Variants in NCMAP observed in about 807,000 individuals in gnomAD.
The protein encoded by NCMAP is noncompact myelin-associated protein.
In NCMAP, 8 loss-of-function variants were observed where a neutral mutation model predicts 7.8. That is an observed-to-expected ratio of 1.02 (90% CI 0.60 to 1.84). NCMAP has a LOEUF of 1.84. Among genes scored for constraint, NCMAP ranks in the 40% most tolerant of loss-of-function variants. The pLI, the probability that NCMAP is intolerant of heterozygous loss-of-function variation, is 0.00. For synonymous variants in NCMAP, 41 were observed against 52.9 expected (o/e 0.78, Z 0.98); for missense variants, 112 against 131.4 (o/e 0.85, Z 0.72).
intron 2 of NCMAP, among the ~76,000 whole-genome samples, chr1:24,597,688 A>AAGAG (rs1441460460): frequency 7.3e-6 from 1 of 136,748 alleles, no homozygotes; most frequent in African/African-American, 2.6e-5. Flanking sequence ...AAAAGAAAGA[A>AAGAG]AGAAAGAGAA....
chr1:24,574,521 C>T (rs1483913959), intron 1 of NCMAP, among the ~76,000 whole-genome samples: 1 of 152,160 alleles, frequency 6.6e-6, no homozygotes, highest in Non-Finnish European at 1.5e-5. Flanking sequence ...TTGCAGATAG[C>T]CTGTCACCGG....
At chr1:24,577,430 T>TTTTTTTTTGG (rs1651618277) in intron 1 of NCMAP, among the ~76,000 whole-genome samples, 1 of 133,386 alleles carries the variant, frequency 7.5e-6, no homozygotes, top group African/African-American at 2.8e-5. Flanking sequence ...TTTTTTTTTT[T>TTTTTTTTTGG]TGGTTTTTTT....
chr1:24,597,197 T>C (rs1652258451), intron 2 of NCMAP, among the ~76,000 whole-genome samples: 1 of 151,890 alleles, frequency 6.6e-6, no homozygotes, highest in African/African-American at 2.4e-5. Flanking sequence ...TAATTCTGTT[T>C]TTCTTGAACT....
intron 1 of NCMAP, among the ~76,000 whole-genome samples, chr1:24,565,762 T>C (rs1277624304): frequency 6.8e-6 from 1 of 147,984 alleles, no homozygotes; most frequent in African/African-American, 2.6e-5. Flanking sequence ...CATGCCTGGC[T>C]AATTTTTGCA....
chr1:24,582,285 A>G (rs1361024850), intron 1 of NCMAP, among the ~76,000 whole-genome samples: 1 of 152,226 alleles, frequency 6.6e-6, no homozygotes, highest in African/African-American at 2.4e-5. Context: ...GATCAGACAG[A>G]TAAGAGCCCA....
intron 1 of NCMAP, among the ~76,000 whole-genome samples, chr1:24,559,724 G>C (rs1437817842): frequency 6.6e-6 from 1 of 152,214 alleles, no homozygotes; most frequent in Non-Finnish European, 1.5e-5. Flanking sequence ...TCTGGGCTTG[G>C]AGGGCTTTGC....
chr1:24,575,231 A>G (rs982019509), intron 1 of NCMAP, among the ~76,000 whole-genome samples: 1 of 152,034 alleles, frequency 6.6e-6, no homozygotes, highest in African/African-American at 2.4e-5. Context: ...AGATGTTTTA[A>G]TTTCTTTAAA....
At chr1:24,578,368 C>T (rs1458407622) in intron 1 of NCMAP, among the ~76,000 whole-genome samples, 1 of 150,300 alleles carries the variant, frequency 6.7e-6, no homozygotes, top group Non-Finnish European at 1.5e-5. Flanking sequence ...GCAATGGACA[C>T]AGGAGTTTTC....
chr1:24,562,419 A>G (rs1408719351), intron 1 of NCMAP, among the ~76,000 whole-genome samples: 1 of 152,190 alleles, frequency 6.6e-6, no homozygotes, highest in African/African-American at 2.4e-5. Flanking sequence ...CAGTGCCAAC[A>G]TGGATCCACG....
At chr1:24,597,186 A>G (rs1036496208) in intron 2 of NCMAP, among the ~76,000 whole-genome samples, 2 of 152,078 alleles carry the variant, frequency 1.3e-5, no homozygotes, top group African/African-American at 2.4e-5. Flanking sequence ...GAAGACGAGA[A>G]TAATTCTGTT....
chr1:24,560,299 T>G (rs1237891561), intron 1 of NCMAP, among the ~76,000 whole-genome samples: 1 of 152,212 alleles, frequency 6.6e-6, no homozygotes, highest in East Asian at 1.9e-4. Flanking sequence ...GTTCATTCAT[T>G]TGTTCATTCA....
chr1:24,583,589 A>T (rs1258894072), intron 1 of NCMAP, among the ~76,000 whole-genome samples: 1 of 151,972 alleles, frequency 6.6e-6, no homozygotes, highest in Non-Finnish European at 1.5e-5. Context: ...GGTGGCGCAC[A>T]TCTGTAATCC....
intron 1 of NCMAP, among the ~76,000 whole-genome samples, chr1:24,556,689 G>A (rs770619147): frequency 6.6e-6 from 1 of 152,164 alleles, no homozygotes; most frequent in Non-Finnish European, 1.5e-5. Context: ...GGAGGGGCTC[G>A]GGGGTCGCTC....
intron 1 of NCMAP, among the ~76,000 whole-genome samples, chr1:24,578,659 C>A (rs372112945): frequency 6.7e-6 from 1 of 149,392 alleles, no homozygotes; most frequent in Admixed American, 6.8e-5. Context: ...ACGTCCTGGG[C>A]TCAAGTGATC....
At chr1:24,580,414 A>AG (rs1651711120) in intron 1 of NCMAP, among the ~76,000 whole-genome samples, 2 of 151,740 alleles carry the variant, frequency 1.3e-5, no homozygotes, top group African/African-American at 2.4e-5. Flanking sequence ...GAAGGGGTGG[A>AG]GGGGGGCAGA....
chr1:24,580,720 A>G (rs762146723), intron 1 of NCMAP, among the ~76,000 whole-genome samples: 1 of 152,058 alleles, frequency 6.6e-6, no homozygotes, highest in Non-Finnish European at 1.5e-5. Flanking sequence ...CAGCCTCCCA[A>G]AGTGCTGGAA....
At chr1:24,561,091 G>C (rs1257154552) in intron 1 of NCMAP, among the ~76,000 whole-genome samples, 2 of 151,374 alleles carry the variant, frequency 1.3e-5, no homozygotes, top group African/African-American at 4.9e-5. Flanking sequence ...CCAGCACTTT[G>C]GGAGGCCGAG....
intron 1 of NCMAP, among the ~76,000 whole-genome samples, chr1:24,559,821 A>G (rs1452440397): frequency 6.6e-6 from 1 of 152,218 alleles, no homozygotes; most frequent in Non-Finnish European, 1.5e-5. Flanking sequence ...TCTGAGCCTC[A>G]GTTTCCTAAT....
Position 24,607,411 on chromosome 1 carries a change from A to C in NCMAP, c.*1664A>C, listed in dbSNP as rs1468723426. The C allele has an allele frequency of 2.0e-5, 3 of 152,108 alleles. No homozygotes were observed. Among genetic ancestry groups the C allele is most frequent in the Non-Finnish European group, 4.4e-5 (3 of 68,022 alleles). The allele number at this position is 152,108 out of a possible 1,614,324, so 9.4% of individuals were successfully genotyped here. ...AACATATCTTGCAATTGATGGGTTC[A>C]TTAATATAATTGTAGTTCTTTACTT... On this transcript the variant is annotated 3_prime_UTR_variant, in exon 4 of 4. Coordinates refer to ENST00000374392, the MANE Select transcript of NCMAP (RefSeq NM_001010980.5).
Sources: gnomAD v4.1 joint callset for allele counts (sites outside exome capture counted in the v4.1 genomes callset) on GRCh38, gnomAD v4.1.1 for gene constraint, MANE v1.5 for transcripts, NCBI Gene and HGNC (gene_info 2026-07-23, HGNC 2026-07-21) for gene names.